The following CNTNAP2 variants were observed in gnomAD, a reference collection of about 807,000 sequenced individuals.
CNTNAP2 encodes contactin associated protein 2, also known as contactin-associated protein-like 2.
CNTNAP2 carries 98 observed loss-of-function variants against 155.2 expected under a neutral mutation model. The ratio of observed to expected loss-of-function variants is 0.63; its 90% CI spans 0.54 to 0.75. The LOEUF is 0.75. Ranked by LOEUF, CNTNAP2 falls within the 30% of genes least tolerant of loss-of-function variation. The pLI is 0.00. For synonymous variants in CNTNAP2, 651 were observed against 631.2 expected (o/e 1.03, Z -0.47); for missense variants, 1,727 against 1,688.1 (o/e 1.02, Z -0.40).
In CNTNAP2 at chr7:146,764,061, C is replaced by G. The variant is rs181480624; in HGVS notation, c.98-10210C>G. Among the ~76,000 whole-genome samples the G allele has an allele frequency of 2.1e-3, 327 of 152,282 alleles. 2 individuals carry two copies. The highest frequency in any genetic ancestry group is 7.5e-3 in the African/African-American group (312 of 41,556). Reference sequence around the variant, plus strand: ...TTGCTTATTGCTAAATGCTAACTTTCAGTTAACCAGTTAATGAAACCAGAG... The same window carrying G: ...TTGCTTATTGCTAAATGCTAACTTTGAGTTAACCAGTTAATGAAACCAGAG... On this transcript the variant is annotated intron_variant, in intron 1 of 23. Transcript: ENST00000361727.
chr7:146,655,493 T>C (rs1025541076), intron 1 of CNTNAP2, among the ~76,000 whole-genome samples: 2 of 151,938 alleles, frequency 1.3e-5, no homozygotes, highest in Non-Finnish European at 2.9e-5. Context: ...TCATGCCTTG[T>C]TTTGCTTTGT....
At chr7:146,932,132 C>G (rs750473078) in intron 3 of CNTNAP2, among the ~76,000 whole-genome samples, 4 of 151,720 alleles carry the variant, frequency 2.6e-5, no homozygotes, top group African/African-American at 9.7e-5. Flanking sequence ...GAGACACAAC[C>G]AAAAAAGAGA....
At chr7:147,110,075 C>T (rs1262129226) in intron 5 of CNTNAP2, among the ~76,000 whole-genome samples, 1 of 152,038 alleles carries the variant, frequency 6.6e-6, no homozygotes, top group Non-Finnish European at 1.5e-5. Context: ...CAGGCACCTA[C>T]CACCATGCCC....
intron 13 of CNTNAP2, among the ~76,000 whole-genome samples, chr7:147,687,165 G>T (rs766886416): frequency 7.9e-5 from 12 of 152,118 alleles, no homozygotes; most frequent in Non-Finnish European, 1.8e-4. Context: ...AATTTAAAAA[G>T]TTGGCTAAAA....
chr7:147,824,558 T>C (rs1469005304), intron 13 of CNTNAP2, among the ~76,000 whole-genome samples: 1 of 152,176 alleles, frequency 6.6e-6, no homozygotes, highest in African/African-American at 2.4e-5. Flanking sequence ...AGTTTTGGCA[T>C]GTCTGTATCG....
intron 20 of CNTNAP2, among the ~76,000 whole-genome samples, chr7:148,246,290 AG>A: frequency 6.6e-6 from 1 of 152,338 alleles, no homozygotes; most frequent in East Asian, 1.9e-4. Flanking sequence ...TTTAATATCA[AG>A]GACTTTAACT....
At chr7:148,216,161 A>C (rs904100838) in intron 18 of CNTNAP2, among the ~76,000 whole-genome samples, 29 of 152,336 alleles carry the variant, frequency 1.9e-4, no homozygotes, top group African/African-American at 6.0e-4. Flanking sequence ...AGCAAACAGC[A>C]GGGAGACCGG....
chr7:146,228,983 G>A (rs917945275), intron 1 of CNTNAP2, among the ~76,000 whole-genome samples: 7 of 152,084 alleles, frequency 4.6e-5, no homozygotes, highest in Non-Finnish European at 1.5e-5. Context: ...ACATGCATCA[G>A]TACAATCAAG....
At chr7:147,059,831 T>C (rs988407400) in intron 4 of CNTNAP2, among the ~76,000 whole-genome samples, 6 of 152,164 alleles carry the variant, frequency 3.9e-5, no homozygotes, top group Admixed American at 3.3e-4. Context: ...TTTTGGCCTT[T>C]CTACCAAAGC....
In CNTNAP2 at chr7:147,639,246, G is replaced by T. The variant is rs368905425; in HGVS notation, c.2038G>T (p.Glu680Ter). The part of the protein sequence containing the change: ...DQISAITDSA[E>*]YCEQYVSYFC... ...GATAAGTGCCATCACTGACAGTGCC[G>T]AGTACTGCGAGCAGTATGTCTCCTA... The change falls in exon 13 of 24, where the codon GAG (glutamate) becomes TAG (stop). Residue 680 changes from glutamate (E) to a stop codon, truncating the protein, a stop_gained. Transcript: ENST00000361727. LOFTEE classifies it high-confidence loss of function. 1 of 1,613,966 alleles carries T rather than the reference G, an allele frequency of 6.2e-7. No individual in the cohort carries two copies. The highest frequency in any genetic ancestry group is 1.3e-5 in the African/African-American group (1 of 74,912).
At position 148,243,431 on chromosome 7, in the gene CNTNAP2, G is replaced by A. The variant is rs115513723; in HGVS notation, c.3381+13652G>A. Among the ~76,000 whole-genome samples the A allele has an allele frequency of 2.1e-3, 315 of 152,252 alleles. 1 individual carries two copies. The highest frequency in any genetic ancestry group is 7.4e-3 in the African/African-American group (307 of 41,544). On this transcript the variant is annotated intron_variant, in intron 20 of 23. Coordinates refer to ENST00000361727, the MANE Select transcript of CNTNAP2 (RefSeq NM_014141.6). ...CCATTTTCACGCTGCTGATAAAGAC[G>A]TACCTGAGACTGCGTAATTTACAAA... is the stretch of plus-strand genomic sequence containing the variant.
At chr7:146,793,450 G>A (rs1208565949) in intron 2 of CNTNAP2, among the ~76,000 whole-genome samples, 1 of 152,222 alleles carries the variant, frequency 6.6e-6, no homozygotes, top group Non-Finnish European at 1.5e-5. Context: ...TGTGCAGGGT[G>A]TAATCATATG....
chr7:148,267,284 C>T (rs543629058), intron 21 of CNTNAP2, among the ~76,000 whole-genome samples, 158 bp downstream of exon 21: 3 of 151,832 alleles, frequency 2.0e-5, no homozygotes, highest in South Asian at 2.1e-4. Context: ...CGGTGTTGCA[C>T]AAGCAAAGCG....
At chr7:146,906,845 A>T (rs1308710550) in intron 3 of CNTNAP2, among the ~76,000 whole-genome samples, 4 of 150,582 alleles carry the variant, frequency 2.7e-5, no homozygotes, top group South Asian at 2.1e-4. Flanking sequence ...CAGACGATCA[A>T]ATTACTCTGA....
chr7:146,917,062 A>G (rs1283566215), intron 3 of CNTNAP2, among the ~76,000 whole-genome samples: 1 of 152,110 alleles, frequency 6.6e-6, no homozygotes, highest in Non-Finnish European at 1.5e-5. Context: ...TTCCTTCTGG[A>G]TTTCATTGTT....
intron 19 of CNTNAP2, among the ~76,000 whole-genome samples, chr7:148,225,468 G>A (rs1407642705): frequency 6.6e-6 from 1 of 152,176 alleles, no homozygotes. Context: ...TGGATGGTGA[G>A]GAGTGAGCAA....
In CNTNAP2 at chr7:146,404,695, C is replaced by G. The variant is rs1010958926; in HGVS notation, c.97+287722C>G. Among the ~76,000 whole-genome samples, 11 of 152,210 alleles carry G rather than the reference C, an allele frequency of 7.2e-5. No homozygotes were observed. The South Asian group carries it at 2.3e-3, about 32-fold the overall frequency. ...GTGGAGCCTCATCTTTACTGCTCAG[C>G]CATCCCTTCCTTGCCCCTCCCTTCT... On this transcript the variant is annotated intron_variant, in intron 1 of 23. Transcript: ENST00000361727.
intron 8 of CNTNAP2, among the ~76,000 whole-genome samples, chr7:147,227,178 G>A (rs1803566307): frequency 6.6e-6 from 1 of 152,166 alleles, no homozygotes; most frequent in Non-Finnish European, 1.5e-5. Context: ...TAGGAAGGAA[G>A]AACTGCAAGT....
At chr7:148,392,331 C>CA (rs1292441787) in intron 22 of CNTNAP2, among the ~76,000 whole-genome samples, 2 of 152,172 alleles carry the variant, frequency 1.3e-5, no homozygotes, top group African/African-American at 4.8e-5. Flanking sequence ...CTCAGCCTCC[C>CA]AAAGTGCTGG....
Sources: gnomAD v4.1 joint callset for allele counts (sites outside exome capture counted in the v4.1 genomes callset) on GRCh38, gnomAD v4.1.1 for gene constraint, MANE v1.5 for transcripts, NCBI Gene and HGNC (gene_info 2026-07-23, HGNC 2026-07-21) for gene names.